Variants in DGKE observed in about 807,000 individuals in gnomAD.
DGKE encodes the protein diacylglycerol kinase epsilon, also known as DAG kinase epsilon.
DGKE carries 53 observed loss-of-function variants against 70.0 expected under a neutral mutation model. The ratio of observed to expected loss-of-function variants is 0.76; its 90% CI spans 0.61 to 0.95. DGKE has a LOEUF of 0.95. Among genes scored for constraint, DGKE ranks in the 40% least tolerant of loss-of-function variants. DGKE has a pLI of 0.00. For missense variants in DGKE, 655 were observed against 706.9 expected, an observed-to-expected ratio of 0.93 and a Z score of 0.83; for synonymous variants, 291 against 257.0, an observed-to-expected ratio of 1.13 and a Z score of -1.27.
At chr17:56,836,249 C>CTATTATAATG (rs1443783251) in intron 2 of DGKE, 1 of 152,078 alleles carries the variant, frequency 6.6e-6, no homozygotes, top group Non-Finnish European at 1.5e-5. Context: ...AGCATGAACG[C>CTATTATAATG]TATTATAATG....
chr17:56,838,286 GGT>G (rs1319791103), intron 2 of DGKE, among the ~76,000 whole-genome samples: 1 of 152,088 alleles, frequency 6.6e-6, no homozygotes, highest in Non-Finnish European at 1.5e-5. Flanking sequence ...ATATTCTATT[GGT>G]GTGTGTTTAT....
chr17:56,863,335 T>C lies in DGKE; in HGVS notation c.*544T>C, dbSNP rs966681029. ...TTTCTAGGAACCCCCAAAAGGAGAA[T>C]AGTAAAAAAAGATCATACTTAAAAT... is the stretch of plus-strand genomic sequence containing the variant. On this transcript the variant is annotated 3_prime_UTR_variant, in exon 12 of 12. Transcript: ENST00000284061. 1 of 152,306 alleles carries C rather than the reference T, an allele frequency of 6.6e-6. No homozygotes were observed. Among genetic ancestry groups the C allele is most frequent in the African/African-American group, 2.4e-5 (1 of 41,578 alleles). The allele number at this position is 152,306 out of a possible 1,614,324, so 9.4% of individuals were successfully genotyped here. A position where few individuals can be genotyped will look rare whatever the true frequency, so the allele number is the denominator to read the frequency against.
rs1011048904 is a variant in DGKE at position 56,858,578 on chromosome 17, T to G, written c.1213-16T>G. The G allele has an allele frequency of 6.3e-7, 1 of 1,583,462 alleles. No individual in the cohort carries two copies. Among genetic ancestry groups the G allele is most frequent in the Non-Finnish European group, 8.6e-7 (1 of 1,163,586 alleles). On this transcript the variant is annotated splice_polypyrimidine_tract_variant and intron_variant, in intron 8 of 11. Transcript: ENST00000284061. ...TAGATTGTTTTAATATTATATTTTCTGTCCATTTTTCATAGGCGGTTTACT... is the reference window on the plus strand; with the variant it reads ...TAGATTGTTTTAATATTATATTTTCGGTCCATTTTTCATAGGCGGTTTACT...
chr17:56,851,293 C>A (rs1215953483), intron 7 of DGKE, among the ~76,000 whole-genome samples: 3 of 152,148 alleles, frequency 2.0e-5, no homozygotes, highest in Non-Finnish European at 1.5e-5. Context: ...TACTACCCTC[C>A]TCAACTCAGG....
At chr17:56,839,498 G>A (rs1375625884) in intron 2 of DGKE, among the ~76,000 whole-genome samples, 1 of 152,130 alleles carries the variant, frequency 6.6e-6, no homozygotes, top group Non-Finnish European at 1.5e-5. Flanking sequence ...ATGTAATACT[G>A]AGTAATTAGT....
At chr17:56,851,101 ATAGCT>A (rs1907619771) in intron 7 of DGKE, among the ~76,000 whole-genome samples, 1 of 152,132 alleles carries the variant, frequency 6.6e-6, no homozygotes, top group Non-Finnish European at 1.5e-5. Context: ...TAATGTGAAA[ATAGCT>A]TAGAAGCCTG....
At chr17:56,842,558 T>C (rs1206384924) in intron 2 of DGKE, among the ~76,000 whole-genome samples, 1 of 152,238 alleles carries the variant, frequency 6.6e-6, no homozygotes, top group Non-Finnish European at 1.5e-5. Flanking sequence ...TTAACAAATG[T>C]GATTATGCAA....
chr17:56,854,076 A>G (rs1157689885), intron 7 of DGKE, among the ~76,000 whole-genome samples: 1 of 151,930 alleles, frequency 6.6e-6, no homozygotes, highest in Non-Finnish European at 1.5e-5. Flanking sequence ...TCACAGACAA[A>G]TATTGTATGA....
At chr17:56,838,805 A>G (rs978342252) in intron 2 of DGKE, 2 of 152,158 alleles carry the variant, frequency 1.3e-5, no homozygotes, top group African/African-American at 2.4e-5. Flanking sequence ...TTAGTTACGT[A>G]TGTTCATTTA....
intron 2 of DGKE, among the ~76,000 whole-genome samples, chr17:56,838,175 A>G (rs1906746904): frequency 6.6e-6 from 1 of 152,228 alleles, no homozygotes. Context: ...CGCCTCACAC[A>G]CAATTACTGT....
intron 2 of DGKE, among the ~76,000 whole-genome samples, chr17:56,843,042 G>C (rs1795207778): frequency 6.6e-6 from 1 of 152,160 alleles, no homozygotes; most frequent in African/African-American, 2.4e-5. Context: ...AGATTTTCAA[G>C]CTGGACCCTC....
At chr17:56,858,782 T>C in intron 9 of DGKE, 117 bp downstream of exon 9, 1 of 699,540 alleles carries the variant, frequency 1.4e-6, no homozygotes. Context: ...CATAGAGTAT[T>C]TATTTGTGTG....
At chr17:56,837,595 TATACAGG>T in intron 2 of DGKE, among the ~76,000 whole-genome samples, 1 of 152,340 alleles carries the variant, frequency 6.6e-6, no homozygotes, top group Middle Eastern at 3.4e-3. Flanking sequence ...CCAATAATTG[TATACAGG>T]ATTACAGTCT....
rs1313245710 is a variant in DGKE at position 56,864,129 on chromosome 17, A to G, written c.*1338A>G. On this transcript the variant is annotated 3_prime_UTR_variant, in exon 12 of 12. Coordinates refer to ENST00000284061, the MANE Select transcript of DGKE (RefSeq NM_003647.3). ...ACAAACTTACTGAAGGGCTAGTTTC[A>G]TGGTTCCCATTAGAGGGTGCTTGTT... The G allele has an allele frequency of 6.6e-6, 1 of 152,206 alleles. No individual in the cohort carries two copies. Among genetic ancestry groups the G allele is most frequent in the Non-Finnish European group, 1.5e-5 (1 of 68,042 alleles). The allele number at this position is 152,206 out of a possible 1,614,324, so 9.4% of individuals were successfully genotyped here.
In DGKE at chr17:56,862,059, A is replaced by T. The variant is rs1736535167; in HGVS notation, c.1413-81A>T. ...AAATATTTTTTAAGTTGATGGTCCAACTGTGTTAAAAAGTAATTGCTCTAG... is the reference window on the plus strand; with the variant it reads ...AAATATTTTTTAAGTTGATGGTCCATCTGTGTTAAAAAGTAATTGCTCTAG... On this transcript the variant is annotated intron_variant, in intron 10 of 11. Transcript: ENST00000284061. 3 of 1,559,686 alleles carry T rather than the reference A, an allele frequency of 1.9e-6. No individual in the cohort carries two copies. In the African/African-American group the frequency reaches 4.1e-5, roughly 21 times the overall value.
At chr17:56,839,628 C>T (rs548661847) in intron 2 of DGKE, among the ~76,000 whole-genome samples, 21 of 152,312 alleles carry the variant, frequency 1.4e-4, no homozygotes, top group African/African-American at 3.6e-4. Flanking sequence ...AAGCAATCCT[C>T]CCACCTCAGC....
At chr17:56,843,873 A>G (rs1032966948) in intron 2 of DGKE, 146 bp from the exon 3 acceptor site, 14 of 648,984 alleles carry the variant, frequency 2.2e-5, no homozygotes, top group Non-Finnish European at 3.1e-5. Flanking sequence ...TTCACTGTGC[A>G]GATAGTGCAT....
At chr17:56,856,770 T>C (rs1865668992) in intron 8 of DGKE, 145 bp downstream of exon 8, 1 of 1,082,066 alleles carries the variant, frequency 9.2e-7, no homozygotes, top group African/African-American at 1.6e-5. Flanking sequence ...GGTTGTCAAA[T>C]TAGATCTTTT....
chr17:56,856,153 G>A (rs975328068), intron 7 of DGKE, among the ~76,000 whole-genome samples: 1 of 152,146 alleles, frequency 6.6e-6, no homozygotes, highest in Non-Finnish European at 1.5e-5. Flanking sequence ...CAGTAGCCTG[G>A]GTTGGGACTA....
Sources: allele counts gnomAD v4.1 joint callset (sites outside exome capture counted in the v4.1 genomes callset), GRCh38; gene constraint gnomAD v4.1.1; transcripts MANE v1.5; gene names NCBI Gene and HGNC (gene_info 2026-07-23, HGNC 2026-07-21).